ADAM12: variants seen among roughly 807,000 people sequenced by gnomAD.
ADAM12 encodes the protein disintegrin and metalloproteinase domain-containing protein 12.
ADAM12 carries 70 observed loss-of-function variants against 106.4 expected under a neutral mutation model. The observed-to-expected ratio is 0.66, with a 90% confidence interval of 0.54 to 0.80. The LOEUF (loss-of-function observed/expected upper bound fraction) is 0.80, where lower values mean the gene tolerates loss of function less well. Ranked by LOEUF, ADAM12 falls within the 30% of genes least tolerant of loss-of-function variation. The pLI, the probability that ADAM12 is intolerant of heterozygous loss-of-function variation, is 0.00. For synonymous variants in ADAM12, 420 were observed against 433.5 expected, an observed-to-expected ratio of 0.97 and a Z score of 0.39; for missense variants, 1,010 against 1,171.9, an observed-to-expected ratio of 0.86 and a Z score of 2.02.
intron 3 of ADAM12, among the ~76,000 whole-genome samples, chr10:126,204,450 C>T (rs2366468): frequency 0.7 from 106,135 of 152,056 alleles, 39,184 homozygotes; most frequent in South Asian, 0.84. Flanking sequence ...GTGACTGTGT[C>T]TGTGAGACAA....
At chr10:126,079,111 G>A (rs1272493041) in intron 11 of ADAM12, among the ~76,000 whole-genome samples, 1 of 152,160 alleles carries the variant, frequency 6.6e-6, no homozygotes, top group Admixed American at 6.5e-5. Flanking sequence ...CTCAAGGTAG[G>A]GGCCTAGCAA....
rs34435376 is a variant in ADAM12, at chr10:126,158,580, G to A, written c.261-3275C>T. ...GCATGGGGCAGGGATGCACAGAGCC[G>A]GGGGTGGGGATGCAGAGAGCAGAGG... On this transcript the variant is annotated intron_variant, in intron 3 of 22. Coordinates refer to ENST00000448723, the MANE Select transcript of ADAM12 (RefSeq NM_001288973.2). 1.1e-4 allele frequency among the ~76,000 whole-genome samples: 9 copies of A among 82,204 alleles called. 1 individual carries two copies. Among genetic ancestry groups the A allele is most frequent in the African/African-American group, 3.8e-4 (8 of 20,812 alleles). The allele number at this position is 82,204 out of a possible 152,430, so 53.9% of individuals were successfully genotyped here.
intron 2 of ADAM12, among the ~76,000 whole-genome samples, chr10:126,318,383 CAG>C (rs748528092): frequency 7.3e-5 from 11 of 150,924 alleles, no homozygotes; most frequent in East Asian, 3.9e-4. Context: ...TCCACAAGCT[CAG>C]AGTCACTCTG....
At chr10:126,114,476 CTTTTGTTTTGTT>C (rs1390007462) in intron 6 of ADAM12, among the ~76,000 whole-genome samples, 1 of 151,994 alleles carries the variant, frequency 6.6e-6, no homozygotes, top group African/African-American at 2.4e-5. Context: ...CCAAGCGGTT[CTTTTGTTTTGTT>C]TTTTGTTTTG....
intron 3 of ADAM12, among the ~76,000 whole-genome samples, chr10:126,187,436 A>G (rs1957420148): frequency 6.6e-6 from 1 of 152,204 alleles, no homozygotes; most frequent in Non-Finnish European, 1.5e-5. Flanking sequence ...CTTAAAGCCA[A>G]GGAAATCAAA....
At chr10:126,210,752 A>G (rs1436689021) in intron 3 of ADAM12, among the ~76,000 whole-genome samples, 2 of 152,146 alleles carry the variant, frequency 1.3e-5, no homozygotes, top group Non-Finnish European at 2.9e-5. Context: ...GAGACAGAGC[A>G]GGAGAGCAGA....
chr10:126,193,871 A>C (rs1167932107), intron 3 of ADAM12, among the ~76,000 whole-genome samples: 1 of 151,876 alleles, frequency 6.6e-6, no homozygotes, highest in Non-Finnish European at 1.5e-5. Flanking sequence ...CAGCCTGGGC[A>C]ACCGAGTGAG....
At chr10:126,040,452 A>C (rs1353009969) in intron 18 of ADAM12, among the ~76,000 whole-genome samples, 1 of 152,124 alleles carries the variant, frequency 6.6e-6, no homozygotes, top group East Asian at 1.9e-4. Context: ...CTGCAGCAGC[A>C]GCTCCTACTC....
chr10:126,342,814 A>G (rs1054535146), intron 1 of ADAM12, among the ~76,000 whole-genome samples: 3 of 151,660 alleles, frequency 2.0e-5, no homozygotes, highest in African/African-American at 7.3e-5. Context: ...AGCACTTAAT[A>G]TGTCATCCAA....
chr10:126,344,610 G>T (rs916087059), intron 1 of ADAM12, among the ~76,000 whole-genome samples: 1 of 152,082 alleles, frequency 6.6e-6, no homozygotes, highest in African/African-American at 2.4e-5. Flanking sequence ...AAATTACCTT[G>T]GGCAATATGG....
intron 11 of ADAM12, among the ~76,000 whole-genome samples, chr10:126,072,508 T>C (rs2133501413): frequency 6.6e-6 from 1 of 152,240 alleles, no homozygotes; most frequent in East Asian, 1.9e-4. Context: ...GAGATTAGAG[T>C]ATCCCACGGT....
At chr10:126,035,040 T>C (rs1402329943) in intron 21 of ADAM12, among the ~76,000 whole-genome samples, 1 of 152,120 alleles carries the variant, frequency 6.6e-6, no homozygotes, top group Non-Finnish European at 1.5e-5. Flanking sequence ...ACAATTATAG[T>C]GGAAAAGTCC....
intron 3 of ADAM12, among the ~76,000 whole-genome samples, chr10:126,186,547 T>C (rs1441547719): frequency 4.6e-5 from 7 of 152,122 alleles, no homozygotes; most frequent in Admixed American, 2.0e-4. Flanking sequence ...GCACTCAATT[T>C]TGTAGTTCTA....
intron 11 of ADAM12, among the ~76,000 whole-genome samples, chr10:126,090,308 T>C (rs1955438674): frequency 2.0e-5 from 2 of 97,604 alleles, no homozygotes; most frequent in Admixed American, 1.1e-4. Context: ...ACAGAAACTT[T>C]CTGCAAAAAA....
chr10:126,168,197 C>T (rs754027247), intron 3 of ADAM12, among the ~76,000 whole-genome samples: 6 of 152,116 alleles, frequency 3.9e-5, no homozygotes, highest in African/African-American at 1.2e-4. Flanking sequence ...TTCCTGGATC[C>T]GAAAGACTTT....
chr10:126,183,199 C>A (rs7911907), intron 3 of ADAM12, among the ~76,000 whole-genome samples: 15 of 152,204 alleles, frequency 9.9e-5, no homozygotes, highest in African/African-American at 1.4e-4. Context: ...TCAGGGCTCC[C>A]GCTGATTCTA....
intron 3 of ADAM12, among the ~76,000 whole-genome samples, chr10:126,206,102 G>A (rs1184008219): frequency 6.6e-6 from 1 of 152,102 alleles, no homozygotes; most frequent in Non-Finnish European, 1.5e-5. Context: ...TAGCAAAGCT[G>A]GGTCTAACCT....
chr10:126,199,255 G>A (rs914328725), intron 3 of ADAM12, among the ~76,000 whole-genome samples: 4 of 152,194 alleles, frequency 2.6e-5, no homozygotes, highest in Non-Finnish European at 4.4e-5. Context: ...GACAATGACA[G>A]GAGGATGAGG....
In ADAM12 at chr10:126,017,113, G is replaced by A. The variant is rs1430450155; in HGVS notation, c.*166C>T. The stretch of plus-strand genomic sequence containing the variant: ...TTACAAGTACCTGAGCAAGTAGACA[G>A]AGCACCATAGCACAGCACAGCACTG... On this transcript the variant is annotated 3_prime_UTR_variant, in exon 23 of 23. Transcript: ENST00000448723. 5 of 594,350 alleles carry A rather than the reference G, an allele frequency of 8.4e-6. No individual in the cohort carries two copies. Among genetic ancestry groups the A allele is most frequent in the African/African-American group, 3.7e-5 (2 of 53,412 alleles). 36.8% of individuals were successfully genotyped at this position (594,350 alleles called of 1,614,324 possible).
Sources: allele counts gnomAD v4.1 joint callset (sites outside exome capture counted in the v4.1 genomes callset), GRCh38; gene constraint gnomAD v4.1.1; transcripts MANE v1.5; gene names NCBI Gene and HGNC (gene_info 2026-07-23, HGNC 2026-07-21).